DMD: variants seen among roughly 807,000 people sequenced by gnomAD.
DMD encodes the protein mutant dystrophin.
DMD carries 63 observed loss-of-function variants against 330.1 expected under a neutral mutation model. That is an observed-to-expected ratio of 0.19 (90% CI 0.16 to 0.24). The LOEUF is 0.24. DMD is among the 10% of genes least tolerant of loss of function. The pLI is 1.00. For missense variants in DMD, 3,344 were observed against 2,684.1 expected (o/e 1.25, Z -5.43); for synonymous variants, 1,223 against 959.8 (o/e 1.27, Z -5.07).
At chrX:32,460,481 G>A (rs1357557863) in intron 25 of DMD, among the ~76,000 whole-genome samples, 3 of 110,669 alleles carry the variant, frequency 2.7e-5, no homozygotes, top group African/African-American at 3.3e-5. Context: ...TAAATGAAAT[G>A]AAATGATGCC....
intron 47 of DMD, among the ~76,000 whole-genome samples, chrX:31,884,815 A>G (rs1367192583): frequency 8.9e-6 from 1 of 111,798 alleles, no homozygotes; most frequent in Non-Finnish European, 1.9e-5. Flanking sequence ...AAATTTACAC[A>G]TAGATTTTCA....
intron 7 of DMD, among the ~76,000 whole-genome samples, chrX:32,772,357 C>T (rs970200839): frequency 8.9e-5 from 10 of 112,399 alleles, no homozygotes; most frequent in African/African-American, 2.9e-4. Context: ...TTTCTTTCTA[C>T]GTTTACAAGG....
At chrX:32,585,523 A>C (rs1296349782) in intron 13 of DMD, among the ~76,000 whole-genome samples, 1 of 107,676 alleles carries the variant, frequency 9.3e-6, no homozygotes, top group Non-Finnish European at 1.9e-5. Flanking sequence ...AACACAGTGA[A>C]ACCCATCTCT....
chrX:32,649,130 T>TC (rs748989552), intron 9 of DMD, among the ~76,000 whole-genome samples: 18 of 110,012 alleles, frequency 1.6e-4, no homozygotes, highest in Admixed American at 1.2e-3. Context: ...TTTTTTTTTT[T>TC]CCCCCAAAAT....
intron 7 of DMD, 105 bp from the exon 8 acceptor site, chrX:32,699,398 C>A: frequency 1.5e-6 from 1 of 660,204 alleles, no homozygotes; most frequent in Admixed American, 2.4e-5. Context: ...GATTAATGAA[C>A]AGTGAATTGT....
At chrX:32,130,278 C>T (rs920176540) in intron 44 of DMD, among the ~76,000 whole-genome samples, 1 of 111,475 alleles carries the variant, frequency 9.0e-6, no homozygotes, top group Non-Finnish European at 1.9e-5. Context: ...TGTAGGTTTT[C>T]AGAAAGTTTG....
intron 62 of DMD, among the ~76,000 whole-genome samples, chrX:31,301,174 T>G (rs2054611667): frequency 9.0e-6 from 1 of 111,691 alleles, no homozygotes; most frequent in Non-Finnish European, 1.9e-5. Flanking sequence ...TACCTTGCCT[T>G]CACAAGGAGG....
At chrX:32,170,268 C>T (rs1360060177) in intron 44 of DMD, among the ~76,000 whole-genome samples, 6 of 109,339 alleles carry the variant, frequency 5.5e-5, no homozygotes, top group Non-Finnish European at 7.6e-5. Context: ...GTCAGGAGTT[C>T]GAGACCAGCC....
intron 44 of DMD, among the ~76,000 whole-genome samples, chrX:32,051,439 T>C (rs781149677): frequency 3.9e-4 from 43 of 110,623 alleles, no homozygotes; most frequent in Non-Finnish European, 1.1e-4. Flanking sequence ...AGTGTAATGA[T>C]AGAATGTAAT....
At chrX:31,941,690 C>G (rs781501819) in intron 45 of DMD, among the ~76,000 whole-genome samples, 3 of 111,274 alleles carry the variant, frequency 2.7e-5, no homozygotes, top group Admixed American at 9.6e-5. Flanking sequence ...GTTTTTCAAC[C>G]CTTGCCCCTC....
chrX:31,967,655 T>C (rs1214878125), intron 45 of DMD, among the ~76,000 whole-genome samples: 1 of 111,090 alleles, frequency 9.0e-6, no homozygotes, highest in East Asian at 2.8e-4. Flanking sequence ...AGTCTTCCTT[T>C]ACGAAACAAG....
At chrX:32,753,139 A>G (rs1027277461) in intron 7 of DMD, among the ~76,000 whole-genome samples, 4 of 111,066 alleles carry the variant, frequency 3.6e-5, no homozygotes, top group Non-Finnish European at 5.7e-5. Context: ...CCAGACTTCC[A>G]TCTAAATATC....
chrX:33,195,517 C>T (rs936638845), intron 1 of DMD, among the ~76,000 whole-genome samples: 1 of 111,596 alleles, frequency 9.0e-6, no homozygotes. Flanking sequence ...AAAGGAATCC[C>T]CACAAATTGG....
At chrX:31,421,045 T>TA (rs2063339229) in intron 60 of DMD, among the ~76,000 whole-genome samples, 1 of 112,336 alleles carries the variant, frequency 8.9e-6, no homozygotes, top group Non-Finnish European at 1.9e-5. Context: ...TATGCAATAT[T>TA]AAAGCATGAA....
chrX:31,549,960 G>C, intron 55 of DMD, among the ~76,000 whole-genome samples: 1 of 112,504 alleles, frequency 8.9e-6, no homozygotes, highest in Non-Finnish European at 1.9e-5. Context: ...CATAGGTTAA[G>C]TTTGAGATTA....
intron 44 of DMD, among the ~76,000 whole-genome samples, chrX:32,040,567 G>T (rs1359154175): frequency 9.0e-6 from 1 of 111,692 alleles, no homozygotes; most frequent in Non-Finnish European, 1.9e-5. Flanking sequence ...GAACTCTCTG[G>T]ATGGGGGGGA....
At chrX:32,771,782 C>G (rs991179617) in intron 7 of DMD, among the ~76,000 whole-genome samples, 1 of 111,803 alleles carries the variant, frequency 8.9e-6, no homozygotes, top group East Asian at 2.8e-4. Context: ...GTGACATGCT[C>G]AAACTAAAAG....
chrX:31,964,023 G>C (rs1035457291), intron 45 of DMD, among the ~76,000 whole-genome samples: 2 of 111,143 alleles, frequency 1.8e-5, no homozygotes, highest in Non-Finnish European at 3.8e-5. Flanking sequence ...GCAGCATTTA[G>C]TGAGACTACT....
At chrX:32,485,584 T>G (rs1465501731) in intron 20 of DMD, among the ~76,000 whole-genome samples, 1 of 109,007 alleles carries the variant, frequency 9.2e-6, no homozygotes, top group Non-Finnish European at 1.9e-5. Context: ...AAATATATTT[T>G]GATACAATTA....
Sources: allele counts gnomAD v4.1 joint callset (sites outside exome capture counted in the v4.1 genomes callset), GRCh38; gene constraint gnomAD v4.1.1; transcripts MANE v1.5; gene names NCBI Gene and HGNC (gene_info 2026-07-23, HGNC 2026-07-21).